SFMBT2: variants seen among roughly 807,000 people sequenced by gnomAD.
SFMBT2 encodes scm-like with four MBT domains protein 2.
In SFMBT2, 38 loss-of-function variants were observed where a neutral mutation model predicts 110.1. That is an observed-to-expected ratio of 0.35 (90% CI 0.27 to 0.45). The LOEUF (loss-of-function observed/expected upper bound fraction) is 0.45, where lower values mean the gene tolerates loss of function less well. SFMBT2 is among the 20% of genes least tolerant of loss of function. SFMBT2 has a pLI of 1.00. For synonymous variants in SFMBT2, 425 were observed against 425.4 expected (o/e 1.00, Z 0.01); for missense variants, 1,011 against 1,094.9 (o/e 0.92, Z 1.08).
At chr10:7,200,049 TG>T (rs1453837343) in intron 14 of SFMBT2, among the ~76,000 whole-genome samples, 1 of 152,210 alleles carries the variant, frequency 6.6e-6, no homozygotes. Context: ...AAAATGCAAG[TG>T]GAACGGAAAT....
In SFMBT2 at chr10:7,285,957, G is replaced by A. The variant is rs766899760; in HGVS notation, c.437-3C>T. On this transcript the variant is annotated splice_polypyrimidine_tract_variant and splice_region_variant and intron_variant, in intron 4 of 20. Transcript: ENST00000397167. ...GTCTGTGTACTTCTCTTTGATTGCT[G>A]GCAAGACAAAGGAGAAAGAAAAACA... The A allele has an allele frequency of 1.5e-5, 13 of 869,692 alleles. No homozygotes were observed. Among genetic ancestry groups the A allele is most frequent in the Non-Finnish European group, 2.4e-5 (12 of 500,786 alleles). 53.9% of individuals were successfully genotyped at this position (869,692 alleles called of 1,614,324 possible).
intron 4 of SFMBT2, among the ~76,000 whole-genome samples, chr10:7,300,482 A>AG (rs896317826): frequency 6.6e-6 from 1 of 152,184 alleles, no homozygotes; most frequent in Non-Finnish European, 1.5e-5. Context: ...GTCAACCCTC[A>AG]GGCTTCTCAT....
rs1005448201 is a variant in SFMBT2 at position 7,293,706 on chromosome 10, TTCTCTCTCTCTCTTTCTCTCCC to T, written c.437-7774_437-7753del. Among the ~76,000 whole-genome samples, 5 of 151,744 alleles carry T rather than the reference TTCTCTCTCTCTCTTTCTCTCCC, an allele frequency of 3.3e-5. No individual in the cohort carries two copies. Among genetic ancestry groups the T allele is most frequent in the African/African-American group, 1.2e-4 (5 of 41,294 alleles). ...AGTCAAAGTTCCTCTCTCTTTCTCT[TTCTCTCTCTCTCTTTCTCTCCC>T]TCTCTCTCTCTCTCATCCAAGGCAG... On this transcript the variant is annotated intron_variant, in intron 4 of 20. Transcript: ENST00000397167. The surrounding 1 kb of genome is among the most constrained non-coding windows in gnomAD (Gnocchi z 4.6).
chr10:7,337,338 T>C (rs918970793), intron 4 of SFMBT2, among the ~76,000 whole-genome samples: 3 of 152,222 alleles, frequency 2.0e-5, no homozygotes, highest in Middle Eastern at 3.2e-3. Context: ...GGTTCCACCT[T>C]GATATGGTTT....
At chr10:7,207,637 T>C in intron 11 of SFMBT2, 1 of 983,406 alleles carries the variant, frequency 1.0e-6, no homozygotes, top group African/African-American at 1.7e-5. Context: ...CTGAATCACA[T>C]CCTCCCTCCC....
At chr10:7,332,579 G>A (rs1016381966) in intron 4 of SFMBT2, among the ~76,000 whole-genome samples, 3 of 152,050 alleles carry the variant, frequency 2.0e-5, no homozygotes, top group East Asian at 1.9e-4. Context: ...CTTCCTCCCC[G>A]ACCCAGCTTA....
intron 15 of SFMBT2, among the ~76,000 whole-genome samples, chr10:7,189,377 C>T (rs916992121): frequency 6.6e-6 from 1 of 152,086 alleles, no homozygotes; most frequent in African/African-American, 2.4e-5. Context: ...ATGTGTCTAC[C>T]ATGGGGCTCA....
intron 6 of SFMBT2, among the ~76,000 whole-genome samples, chr10:7,278,432 C>T (rs1020631253): frequency 4.6e-5 from 7 of 152,154 alleles, no homozygotes; most frequent in Non-Finnish European, 8.8e-5. Context: ...ATCCAAACCA[C>T]GGAGAGACAG....
chr10:7,357,918 C>T (rs542203243), intron 4 of SFMBT2, among the ~76,000 whole-genome samples: 1 of 152,134 alleles, frequency 6.6e-6, no homozygotes, highest in East Asian at 1.9e-4. Flanking sequence ...GGAGTGAAAC[C>T]CAATGGAACC....
At chr10:7,182,131 A>G (rs1383427602) in intron 16 of SFMBT2, among the ~76,000 whole-genome samples, 1 of 152,126 alleles carries the variant, frequency 6.6e-6, no homozygotes, top group Non-Finnish European at 1.5e-5. Context: ...TCCATCTCCC[A>G]GGTTCAAGCG....
At chr10:7,213,212 G>A (rs1022888158) in intron 11 of SFMBT2, among the ~76,000 whole-genome samples, 2 of 151,128 alleles carry the variant, frequency 1.3e-5, no homozygotes, top group African/African-American at 4.9e-5. Flanking sequence ...AAACCTGCAC[G>A]TTCTGCACAC....
intron 4 of SFMBT2, among the ~76,000 whole-genome samples, chr10:7,349,480 G>A (rs554521277): frequency 9.1e-6 from 1 of 110,332 alleles, no homozygotes; most frequent in South Asian, 3.0e-4. Flanking sequence ...GGGGGGAGAC[G>A]GAGTTTTGCT....
At chr10:7,164,470 G>A (rs1837640687) in intron 20 of SFMBT2, 14 of 982,444 alleles carry the variant, frequency 1.4e-5, no homozygotes, top group Non-Finnish European at 1.7e-5. Context: ...TACCTACCCT[G>A]GTGGGTAGAA....
intron 12 of SFMBT2, chr10:7,203,020 T>A: frequency 1.0e-6 from 1 of 985,436 alleles, no homozygotes; most frequent in Non-Finnish European, 1.2e-6. Flanking sequence ...AATATTGACA[T>A]AAATGAGCAA....
intron 1 of SFMBT2, among the ~76,000 whole-genome samples, 177 bp from the exon 2 acceptor site, chr10:7,382,126 G>A (rs1845443357): frequency 6.6e-6 from 1 of 152,098 alleles, no homozygotes; most frequent in Admixed American, 6.6e-5. Context: ...CTAGTACACT[G>A]AGGCCAGGTG....
rs1453175815 is a variant in SFMBT2, at chr10:7,163,977, C to G, written c.2545-67G>C. 1.3e-6 allele frequency: 2 copies of G among 1,533,098 alleles called. No individual in the cohort carries two copies. The highest frequency in any genetic ancestry group is 1.8e-6 in the Non-Finnish European group (2 of 1,138,930). The allele number at this position is 1,533,098 out of a possible 1,614,324, so 95.0% of individuals were successfully genotyped here. A position where few individuals can be genotyped will look rare whatever the true frequency, so the allele number is the denominator to read the frequency against. On this transcript the variant is annotated intron_variant, in intron 20 of 20. Coordinates refer to ENST00000397167, the MANE Select transcript of SFMBT2 (RefSeq NM_001387889.1). The surrounding 1 kb of genome is among the most constrained non-coding windows in gnomAD (Gnocchi z 4.8). ...ACTGGGGTACACAGATGCGTCACAG[C>G]AGGCTCCAGTCCGGGGCCAAACATG... is the stretch of plus-strand genomic sequence containing the variant.
intron 10 of SFMBT2, among the ~76,000 whole-genome samples, 192 bp from the exon 11 acceptor site, chr10:7,220,729 G>T (rs1839699891): frequency 6.6e-6 from 1 of 152,166 alleles, no homozygotes; most frequent in Non-Finnish European, 1.5e-5. Flanking sequence ...CCAGAAATTA[G>T]AACTATGCCT....
chr10:7,274,863 A>C (rs569168611), intron 7 of SFMBT2, among the ~76,000 whole-genome samples: 1 of 152,280 alleles, frequency 6.6e-6, no homozygotes, highest in East Asian at 1.9e-4. Context: ...TCCAAAAAAA[A>C]AAAAAATTAG....
At chr10:7,279,723 A>C (rs1588413210) in intron 6 of SFMBT2, among the ~76,000 whole-genome samples, 1 of 152,324 alleles carries the variant, frequency 6.6e-6, no homozygotes, top group East Asian at 1.9e-4. Flanking sequence ...AAACGAGGCA[A>C]TCTCCTTTTG....
Sources: gnomAD v4.1 joint callset for allele counts (sites outside exome capture counted in the v4.1 genomes callset) on GRCh38, gnomAD v4.1.1 for gene constraint, Gnocchi (gnomAD v3.1) non-coding constraint, MANE v1.5 for transcripts, NCBI Gene and HGNC (gene_info 2026-07-23, HGNC 2026-07-21) for gene names.